The following FSIP2 variants were observed in gnomAD, a reference collection of about 807,000 sequenced individuals.
FSIP2 encodes the protein fibrous sheath-interacting protein 2.
In FSIP2, 367 loss-of-function variants were observed where a neutral mutation model predicts 510.5. That is an observed-to-expected ratio of 0.72 (90% confidence interval 0.66 to 0.78). The LOEUF (loss-of-function observed/expected upper bound fraction) is 0.78. Among genes scored for constraint, FSIP2 ranks in the 30% least tolerant of loss-of-function variants. The probability of loss-of-function intolerance (pLI) is 0.00; values close to 1 mark genes in which losing one functional copy is unlikely to be tolerated. For synonymous variants in FSIP2, 2,601 were observed against 2,732.2 expected (o/e 0.95, Z 1.50); for missense variants, 7,594 against 7,901.7 (o/e 0.96, Z 1.48).
chr2:185,823,939 T>C (rs1379381951), intron 19 of FSIP2, among the ~76,000 whole-genome samples: 1 of 151,824 alleles, frequency 6.6e-6, no homozygotes, highest in Non-Finnish European at 1.5e-5. Context: ...CTACTAGATG[T>C]ATGAACTTTG....
chr2:185,747,248 A>T, intron 6 of FSIP2, 65 bp from the exon 7 acceptor site: 1 of 924,438 alleles, frequency 1.1e-6, no homozygotes, highest in Non-Finnish European at 1.7e-6. Context: ...TTTTGGTGGG[A>T]CAAAATACAA....
Position 185,796,254 on chromosome 2 carries a change from T to C in FSIP2, c.9118T>C (p.Leu3040=). 1 of 1,531,190 alleles carries C rather than the reference T, an allele frequency of 6.5e-7. No individual in the cohort carries two copies. Among genetic ancestry groups the C allele is most frequent in the Non-Finnish European group, 8.7e-7 (1 of 1,145,112 alleles). 94.9% of individuals were successfully genotyped at this position (1,531,190 alleles called of 1,614,324 possible). A position where few individuals can be genotyped will look rare whatever the true frequency, so the allele number is the denominator to read the frequency against. ...ACAGAAACTGTTAAACAAAAAAATGTTGCCAAAATTACAACCACTGAAAAT... is the reference window on the plus strand; with the variant it reads ...ACAGAAACTGTTAAACAAAAAAATGCTGCCAAAATTACAACCACTGAAAAT... ...IQQKLLNKKM[L]PKLQPLKMFS... is the part of the protein sequence containing the mutation. Residue 3040 remains leucine (L), a synonymous_variant, in exon 16 of 23, where the codon TTG becomes CTG. Coordinates refer to ENST00000424728, the MANE Select transcript of FSIP2 (RefSeq NM_173651.4).
rs1227763824 is a variant in FSIP2, at chr2:185,802,196, A to G, written c.12890A>G (p.Lys4297Arg). Reference sequence around the variant, plus strand: ...GTGATAGAGTCACACAGACCTCAGAAGCAATCACCTTTAGATATTCACCTT... The same window carrying G: ...GTGATAGAGTCACACAGACCTCAGAGGCAATCACCTTTAGATATTCACCTT... The part of the protein sequence containing the change: ...SEVIESHRPQ[K>R]QSPLDIHLDS... The change falls in exon 17 of 23, where the codon AAG becomes AGG. Residue 4297 changes from lysine (K) to arginine (R), a missense_variant. Physicochemically the swap from Lys to Arg is conservative, Grantham distance 26. Coordinates refer to ENST00000424728, the MANE Select transcript of FSIP2 (RefSeq NM_173651.4). 6.5e-7 allele frequency: 1 copy of G among 1,533,588 alleles called. No homozygotes were observed. The highest frequency in any genetic ancestry group is 8.7e-7 in the Non-Finnish European group (1 of 1,145,248). The allele number at this position is 1,533,588 out of a possible 1,614,324, so 95.0% of individuals were successfully genotyped here.
At position 185,792,854 on chromosome 2, in the gene FSIP2, C is replaced by T. The variant is rs535354950; in HGVS notation, c.5718C>T (p.Ser1906=). 305 of 1,534,292 alleles carry T rather than the reference C, an allele frequency of 2.0e-4. 5 individuals are homozygous for T. The South Asian group carries it at 2.7e-3, about 14-fold the overall frequency. ...ENPCTFQSRF[S]VADKETKVNL... ...CATGTACTTTTCAGTCTAGATTCAG[C>T]GTTGCTGACAAGGAGACAAAGGTAA... is the stretch of plus-strand genomic sequence containing the variant. Residue 1906 remains serine (S), a synonymous_variant, in exon 16 of 23, where the codon AGC becomes AGT. Transcript: ENST00000424728.
chr2:185,829,498 C>T (rs879803794), intron 21 of FSIP2, among the ~76,000 whole-genome samples: 6 of 151,958 alleles, frequency 3.9e-5, no homozygotes, highest in Non-Finnish European at 8.8e-5. Flanking sequence ...CTGGATAGAA[C>T]ATAGCTCCTA....
At position 185,803,148 on chromosome 2, in the gene FSIP2, T is replaced by C. The variant is rs932291679; in HGVS notation, c.13842T>C (p.Tyr4614=). 29 of 1,526,362 alleles carry C rather than the reference T, an allele frequency of 1.9e-5. No individual in the cohort carries two copies. The East Asian group carries it at 2.4e-4, about 13-fold the overall frequency. 94.6% of individuals were successfully genotyped at this position (1,526,362 alleles called of 1,614,324 possible). A position where few individuals can be genotyped will look rare whatever the true frequency, so the allele number is the denominator to read the frequency against. The change falls in exon 17 of 23, where the codon TAT becomes TAC. Residue 4614 remains tyrosine (Y), a synonymous_variant. Coordinates refer to ENST00000424728, the MANE Select transcript of FSIP2 (RefSeq NM_173651.4). ...YFDDERRQLF[Y]TSVYSSTFLE... Reference sequence around the variant, plus strand: ...ATGATGAGAGAAGGCAGTTATTTTATACCAGTGTTTACTCTTCAACATTCT... The same window carrying C: ...ATGATGAGAGAAGGCAGTTATTTTACACCAGTGTTTACTCTTCAACATTCT...
At chr2:185,762,183 A>G (rs2105558508) in intron 11 of FSIP2, among the ~76,000 whole-genome samples, 166 bp downstream of exon 11, 1 of 151,408 alleles carries the variant, frequency 6.6e-6, no homozygotes, top group East Asian at 1.9e-4. Flanking sequence ...TAGCCCATAT[A>G]TTTGAGTGAT....
chr2:185,777,286 T>C (rs1692746096), intron 13 of FSIP2, among the ~76,000 whole-genome samples: 1 of 152,110 alleles, frequency 6.6e-6, no homozygotes, highest in Non-Finnish European at 1.5e-5. Context: ...AATATATTAA[T>C]CCTGTCCCCA....
In FSIP2 at chr2:185,832,004, AGGAGT is replaced by A. The variant is rs1694117709; in HGVS notation, c.20587+124_20587+128del. 80 of 657,186 alleles carry A rather than the reference AGGAGT, an allele frequency of 1.2e-4. 1 individual carries two copies. Among genetic ancestry groups the A allele is most frequent in the South Asian group, 8.5e-4 (49 of 57,538 alleles). The allele number at this position is 657,186 out of a possible 1,614,324, so 40.7% of individuals were successfully genotyped here. A position where few individuals can be genotyped will look rare whatever the true frequency, so the allele number is the denominator to read the frequency against. ...CTCTCCCCTTGCATATTATCAAAAT[AGGAGT>A]GAAATAATATTCTTACTGTTTGCAT... is the stretch of plus-strand genomic sequence containing the variant. On this transcript the variant is annotated intron_variant, in intron 22 of 22. Transcript: ENST00000424728.
rs1037000891 is a variant in FSIP2 at position 185,804,268 on chromosome 2, T to C, written c.14962T>C (p.Leu4988=). ...KLKLTRIVTT[L]VNSIVLEFTT... ...GAAACTTACCAGGATTGTTACAACA[T>C]TGGTAAATTCAATTGTTCTGGAGTT... Residue 4988 remains leucine (L), a synonymous_variant, in exon 17 of 23, where the codon TTG becomes CTG. Transcript: ENST00000424728. 65 of 1,528,946 alleles carry C rather than the reference T, an allele frequency of 4.3e-5. No individual in the cohort carries two copies. The African/African-American group carries it at 5.2e-4, about 12-fold the overall frequency. The allele number at this position is 1,528,946 out of a possible 1,614,324, so 94.7% of individuals were successfully genotyped here.
chr2:185,788,506 T>G (rs1367915032), intron 15 of FSIP2, 137 bp from the exon 16 acceptor site: 1 of 539,392 alleles, frequency 1.9e-6, no homozygotes, highest in Non-Finnish European at 3.1e-6. Flanking sequence ...TGATATTTCT[T>G]TACTATTTTC....
Position 185,806,274 on chromosome 2 carries a change from G to T in FSIP2, c.16968G>T (p.Gly5656=). The T allele has an allele frequency of 2.5e-6, 4 of 1,609,788 alleles. No individual in the cohort carries two copies. The South Asian group carries it at 4.4e-5, about 18-fold the overall frequency. Reference sequence around the variant, plus strand: ...GAATTCGAACATCAAGCAATGAGGGGAGAAGAGACTCTCCAACACAAACGT... The same window carrying T: ...GAATTCGAACATCAAGCAATGAGGGTAGAAGAGACTCTCCAACACAAACGT... ...EIRIRTSSNE[G]RRDSPTQTCR... Residue 5656 remains glycine (G), a synonymous_variant, in exon 17 of 23, where the codon GGG becomes GGT. Transcript: ENST00000424728.
In FSIP2 at chr2:185,791,833, A is replaced by C. The variant is rs751244582; in HGVS notation, c.4697A>C (p.Lys1566Thr). The C allele has an allele frequency of 1.3e-6, 2 of 1,533,866 alleles. No individual in the cohort carries two copies. The highest frequency in any genetic ancestry group is 8.7e-7 in the Non-Finnish European group (1 of 1,145,476). The change falls in exon 16 of 23, where the codon AAA (lysine) becomes ACA (threonine). Residue 1566 changes from lysine (K) to threonine (T), a missense_variant. Lys to Thr is a moderately conservative substitution (Grantham distance 78, BLOSUM62 -1). Transcript: ENST00000424728. ...AAACCTGTTGCTCCTGTGTCTTCCA[A>C]AACACCAAGCACAAAAGAAATGCAT... ...KAKPVAPVSS[K>T]TPSTKEMHPN...
intron 9 of FSIP2, among the ~76,000 whole-genome samples, chr2:185,759,130 A>G (rs186057766): frequency 6.6e-6 from 1 of 151,088 alleles, no homozygotes; most frequent in African/African-American, 2.4e-5. Context: ...GGAAAGTGAT[A>G]CATATGAATT....
chr2:185,833,133 G>A lies in FSIP2; in HGVS notation c.20631G>A (p.Leu6877=). The change falls in exon 23 of 23, where the codon CTG becomes CTA. Residue 6877 remains leucine, a synonymous_variant. Coordinates refer to ENST00000424728, the MANE Select transcript of FSIP2 (RefSeq NM_173651.4). ...PDVSKQGSKM[L]TKMSSTLSKV... ...TCTCCAAACAAGGATCTAAAATGCT[G>A]ACAAAAATGTCTTCAACTTTGTCAA... 1.2e-6 allele frequency: 2 copies of A among 1,610,336 alleles called. No individual in the cohort carries two copies. Among genetic ancestry groups the A allele is most frequent in the Middle Eastern group, 1.7e-4 (1 of 6,040 alleles).
chr2:185,813,896 A>T lies in FSIP2; in HGVS notation c.20179A>T (p.Ile6727Phe), dbSNP rs930138358. ...TTGTCAGACCACAGCCAGTGCAAAT[A>T]TTGAAAGTACTGAAGCAATCTCAAA... is the stretch of plus-strand genomic sequence containing the variant. ...KCCQTTASAN[I>F]ESTEAISNQV... The change falls in exon 18 of 23, where the codon ATT becomes TTT. Residue 6727 changes from isoleucine to phenylalanine, a missense_variant. By Grantham distance (21) the Ile-to-Phe change is conservative (BLOSUM62 0). Coordinates refer to ENST00000424728, the MANE Select transcript of FSIP2 (RefSeq NM_173651.4). 30 of 1,613,660 alleles carry T rather than the reference A, an allele frequency of 1.9e-5. No individual in the cohort carries two copies. The African/African-American group carries it at 3.1e-4, about 17-fold the overall frequency.
At position 185,800,081 on chromosome 2, in the gene FSIP2, G is replaced by C. The variant is rs576295398; in HGVS notation, c.10775G>C (p.Cys3592Ser). 15 of 1,532,848 alleles carry C rather than the reference G, an allele frequency of 9.8e-6. No homozygotes were observed. The highest frequency in any genetic ancestry group is 1.3e-5 in the Non-Finnish European group (15 of 1,144,666). The allele number at this position is 1,532,848 out of a possible 1,614,324, so 95.0% of individuals were successfully genotyped here. A position where few individuals can be genotyped will look rare whatever the true frequency, so the allele number is the denominator to read the frequency against. Residue 3592 changes from cysteine (C) to serine (S), a missense_variant, in exon 17 of 23, where the codon TGT (cysteine) becomes TCT (serine). Cys to Ser is a moderately radical substitution (Grantham distance 112). Coordinates refer to ENST00000424728, the MANE Select transcript of FSIP2 (RefSeq NM_173651.4). ...MVAIPTKYTY[C>S]PGIVSGGFDD... ...GCCATACCTACAAAATACACTTACT[G>C]TCCAGGAATAGTTTCTGGTGGCTTT...
Position 185,808,869 on chromosome 2 carries a change from A to C in FSIP2, c.19563A>C (p.Ile6521=), listed in dbSNP as rs1326011864. 6.2e-7 allele frequency: 1 copy of C among 1,610,168 alleles called. No individual in the cohort carries two copies. ...NLSEEESPIK[I]VPHVGKKPVK... ...CTGAAGAGGAATCTCCAATTAAAAT[A>C]GTTCCACATGTTGGAAAAAAACCAG... is the stretch of plus-strand genomic sequence containing the variant. Residue 6521 remains isoleucine (I), a synonymous_variant, in exon 17 of 23, where the codon ATA becomes ATC. Transcript: ENST00000424728.
At position 185,801,561 on chromosome 2, in the gene FSIP2, A is replaced by T. The variant is rs1342860340; in HGVS notation, c.12255A>T (p.Leu4085Phe). 6.5e-7 allele frequency: 1 copy of T among 1,534,078 alleles called. No individual in the cohort carries two copies. The highest frequency in any genetic ancestry group is 8.7e-7 in the Non-Finnish European group (1 of 1,145,624). ...IAEQITNGIL[L>F]EILDYKLPSC... ...AACAAATAACAAATGGCATATTGTT[A>T]GAGATTTTAGACTACAAACTGCCAT... The change falls in exon 17 of 23, where the codon TTA (leucine) becomes TTT (phenylalanine). Residue 4085 changes from leucine to phenylalanine, a missense_variant. Transcript: ENST00000424728.
Sources: gnomAD v4.1 joint callset for allele counts (sites outside exome capture counted in the v4.1 genomes callset) on GRCh38, gnomAD v4.1.1 for gene constraint, MANE v1.5 for transcripts, NCBI Gene and HGNC (gene_info 2026-07-23, HGNC 2026-07-21) for gene names.